SERINC5: variants seen among roughly 807,000 people sequenced by gnomAD.
SERINC5 encodes the protein serine incorporator 5, also known as chromosome 5 open reading frame 12.
In SERINC5, 41 loss-of-function variants were observed where a neutral mutation model predicts 63.1. That is an observed-to-expected ratio of 0.65 (90% CI 0.51 to 0.84). SERINC5 has a LOEUF of 0.84. Ranked by LOEUF, SERINC5 falls within the 40% of genes least tolerant of loss-of-function variation. The pLI is 0.00. For synonymous variants in SERINC5, 222 were observed against 215.2 expected, an observed-to-expected ratio of 1.03 and a Z score of -0.28; for missense variants, 523 against 573.0, an observed-to-expected ratio of 0.91 and a Z score of 0.89.
chr5:80,192,264 G>A (rs997760798), intron 2 of SERINC5, among the ~76,000 whole-genome samples: 2 of 152,188 alleles, frequency 1.3e-5, no homozygotes, highest in African/African-American at 4.8e-5. Flanking sequence ...GACAACTGGT[G>A]ATAACTTACT....
At chr5:80,153,463 A>G (rs1227651691) in intron 8 of SERINC5, among the ~76,000 whole-genome samples, 1 of 147,554 alleles carries the variant, frequency 6.8e-6, no homozygotes, top group East Asian at 2.0e-4. Context: ...TCTTGGAATT[A>G]TCAAGAAAAG....
At chr5:80,245,893 G>A (rs1752146116) in intron 1 of SERINC5, among the ~76,000 whole-genome samples, 1 of 150,390 alleles carries the variant, frequency 6.6e-6, no homozygotes, top group African/African-American at 2.5e-5. Flanking sequence ...GGGATTACAG[G>A]TGTGAGCCAC....
chr5:80,208,010 C>T (rs1298290047), intron 1 of SERINC5, among the ~76,000 whole-genome samples: 2 of 152,284 alleles, frequency 1.3e-5, no homozygotes, highest in South Asian at 2.1e-4. Flanking sequence ...GAGCATGTCA[C>T]TCACTTTCAA....
intron 11 of SERINC5, among the ~76,000 whole-genome samples, chr5:80,122,862 T>G (rs1744603740): frequency 6.6e-6 from 1 of 152,232 alleles, no homozygotes. Flanking sequence ...AGGAACTGGA[T>G]TCAGCCAATA....
chr5:80,232,406 AG>A (rs1260206862), intron 1 of SERINC5, among the ~76,000 whole-genome samples: 2 of 90,610 alleles, frequency 2.2e-5, no homozygotes, highest in South Asian at 2.9e-4. Context: ...TCTGTCTCAA[AG>A]AAAAAAAAAA....
At chr5:80,164,516 G>T (rs1254600483) in intron 7 of SERINC5, among the ~76,000 whole-genome samples, 3 of 151,928 alleles carry the variant, frequency 2.0e-5, no homozygotes, top group Admixed American at 6.6e-5. Flanking sequence ...AGAGTAGCTG[G>T]GACTACAGAC....
At chr5:80,129,979 TCAC>T (rs1325171097) in intron 11 of SERINC5, among the ~76,000 whole-genome samples, 1 of 152,248 alleles carries the variant, frequency 6.6e-6, no homozygotes, top group African/African-American at 2.4e-5. Flanking sequence ...TGAAAATTAA[TCAC>T]CATTTGATAA....
chr5:80,148,168 G>A (rs966210723), intron 9 of SERINC5, among the ~76,000 whole-genome samples: 2 of 146,210 alleles, frequency 1.4e-5, no homozygotes, highest in Non-Finnish European at 3.0e-5. Context: ...AGCATCTCTG[G>A]TACCTTGCGT....
chr5:80,211,315 G>A lies in SERINC5; in HGVS notation c.28-8262C>T, dbSNP rs551359001. ...TTCCACAAAGCCCCTGACTCTGACC[G>A]AGTGCAGCCCTCCAGAAGAATGCCC... On this transcript the variant is annotated intron_variant, in intron 1 of 11. Transcript: ENST00000507668. 4.6e-5 allele frequency among the ~76,000 whole-genome samples: 7 copies of A among 152,226 alleles called. No individual in the cohort carries two copies. The East Asian group carries it at 5.8e-4, about 13-fold the overall frequency.
At chr5:80,210,468 A>G (rs1028302859) in intron 1 of SERINC5, among the ~76,000 whole-genome samples, 1 of 152,194 alleles carries the variant, frequency 6.6e-6, no homozygotes, top group Non-Finnish European at 1.5e-5. Context: ...CCAAGGATTG[A>G]TCTAGGTGTG....
chr5:80,199,661 C>A (rs1749710185), intron 2 of SERINC5, among the ~76,000 whole-genome samples: 1 of 152,174 alleles, frequency 6.6e-6, no homozygotes, highest in Non-Finnish European at 1.5e-5. Context: ...ACCAATGGCT[C>A]CCAAATTATC....
intron 5 of SERINC5, among the ~76,000 whole-genome samples, chr5:80,171,462 A>C (rs1747652163): frequency 6.6e-6 from 1 of 152,224 alleles, no homozygotes; most frequent in Non-Finnish European, 1.5e-5. Context: ...ACTGAAGAGA[A>C]GGACCTGTAA....
intron 1 of SERINC5, among the ~76,000 whole-genome samples, chr5:80,208,310 G>A (rs1010743760): frequency 6.6e-6 from 1 of 151,480 alleles, no homozygotes; most frequent in Non-Finnish European, 1.5e-5. Flanking sequence ...AGTGGGGAGG[G>A]GAGGTATATG....
At chr5:80,112,327 C>G (rs1422927614) in intron 12 of SERINC5, among the ~76,000 whole-genome samples, 2 of 152,170 alleles carry the variant, frequency 1.3e-5, no homozygotes, top group Non-Finnish European at 2.9e-5. Flanking sequence ...TAAATCTGGC[C>G]TACGTGCACA....
chr5:80,130,164 G>C (rs1171341508), intron 11 of SERINC5, among the ~76,000 whole-genome samples: 1 of 152,116 alleles, frequency 6.6e-6, no homozygotes, highest in East Asian at 1.9e-4. Flanking sequence ...TGGATCACTT[G>C]AGGTCAGGAG....
chr5:80,147,577 A>G lies in SERINC5; in HGVS notation c.1054-293T>C, dbSNP rs899335808. ...GGTAACTGCCATGGAATGGCTGATC[A>G]TGGCAGGGGTAAAGGCCGTGCCTTT... On this transcript the variant is annotated intron_variant, in intron 9 of 11. Transcript: ENST00000507668. Among the ~76,000 whole-genome samples, 3 of 152,192 alleles carry G rather than the reference A, an allele frequency of 2.0e-5. No homozygotes were observed. The East Asian group carries it at 5.8e-4, about 29-fold the overall frequency.
chr5:80,183,064 T>G (rs1317937298), intron 2 of SERINC5, among the ~76,000 whole-genome samples: 1 of 152,012 alleles, frequency 6.6e-6, no homozygotes, highest in Non-Finnish European at 1.5e-5. Context: ...TAGAACACCT[T>G]TGGCTACAAA....
At chr5:80,217,380 A>G (rs1481636932) in intron 1 of SERINC5, among the ~76,000 whole-genome samples, 1 of 152,152 alleles carries the variant, frequency 6.6e-6, no homozygotes, top group Non-Finnish European at 1.5e-5. Flanking sequence ...TGCCAGCCCA[A>G]TCCCCAAACC....
At chr5:80,237,219 T>C (rs757001933) in intron 1 of SERINC5, among the ~76,000 whole-genome samples, 1 of 152,244 alleles carries the variant, frequency 6.6e-6, no homozygotes, top group Admixed American at 6.5e-5. Context: ...TCACAAAGAC[T>C]GGTGAGTGCT....
Sources: allele counts gnomAD v4.1 joint callset (sites outside exome capture counted in the v4.1 genomes callset), GRCh38; gene constraint gnomAD v4.1.1; transcripts MANE v1.5; gene names NCBI Gene and HGNC (gene_info 2026-07-23, HGNC 2026-07-21).